Variants in NCOA1 observed in about 807,000 individuals in gnomAD.
NCOA1 encodes the protein nuclear receptor coactivator 1.
A neutral mutation model predicts 150.9 loss-of-function variants in NCOA1; 35 were observed. The observed-to-expected ratio is 0.23, with a 90% CI of 0.18 to 0.31. NCOA1 has a LOEUF of 0.31. Among genes scored for constraint, NCOA1 ranks in the 10% least tolerant of loss-of-function variants. The pLI, the probability that NCOA1 is intolerant of heterozygous loss-of-function variation, is 1.00. For missense variants in NCOA1, 1,491 were observed against 1,749.3 expected, an observed-to-expected ratio of 0.85 and a Z score of 2.63; for synonymous variants, 590 against 630.0, an observed-to-expected ratio of 0.94 and a Z score of 0.95.
intron 1 of NCOA1, among the ~76,000 whole-genome samples, chr2:24,529,671 C>T (rs1305362487): frequency 2.0e-5 from 3 of 152,170 alleles, no homozygotes; most frequent in Non-Finnish European, 1.5e-5. Context: ...TTAACCTTCA[C>T]CTGAAAGTAC....
intron 5 of NCOA1, among the ~76,000 whole-genome samples, chr2:24,663,891 A>G (rs962005716): frequency 6.6e-6 from 1 of 152,208 alleles, no homozygotes; most frequent in Middle Eastern, 3.4e-3. Flanking sequence ...ACTGTCTTCA[A>G]GTTCTTTGGT....
intron 3 of NCOA1, among the ~76,000 whole-genome samples, chr2:24,608,308 T>G (rs1668464110): frequency 6.7e-6 from 1 of 148,848 alleles, no homozygotes; most frequent in African/African-American, 2.5e-5. Flanking sequence ...TTTGAGACAG[T>G]CTTGCTCTGT....
chr2:24,582,471 A>G (rs1402321552), intron 2 of NCOA1, among the ~76,000 whole-genome samples: 1 of 152,206 alleles, frequency 6.6e-6, no homozygotes, highest in African/African-American at 2.4e-5. Context: ...AAAAAATGGA[A>G]ACATATTTCA....
chr2:24,639,951 TATATATATATATATATATA>T (rs1271342661), intron 3 of NCOA1, among the ~76,000 whole-genome samples: 1 of 84,294 alleles, frequency 1.2e-5, no homozygotes, highest in African/African-American at 4.7e-5. Context: ...TATATATATA[TATATATATATATATATATA>T]TTCAGAGTAT....
intron 11 of NCOA1, among the ~76,000 whole-genome samples, chr2:24,700,866 T>C (rs542924167): frequency 6.6e-6 from 1 of 152,302 alleles, no homozygotes; most frequent in South Asian, 2.1e-4. Flanking sequence ...TACAGAGAAG[T>C]TTGTAAACTA....
chr2:24,577,153 A>G (rs1291990432), intron 2 of NCOA1, among the ~76,000 whole-genome samples: 1 of 152,106 alleles, frequency 6.6e-6, no homozygotes, highest in Non-Finnish European at 1.5e-5. Flanking sequence ...GGCTCTTCAA[A>G]GTGTTTGACC....
In NCOA1 at chr2:24,553,479, A is replaced by G. The variant is rs1665950100; in HGVS notation, c.-395-10816A>G. On this transcript the variant is annotated intron_variant, in intron 1 of 22. Transcript: ENST00000348332. ...AGTGATCTGCCCACTCGGCCTCCCA[A>G]AGTGCAGGGATTACAGGCGTGAGCC... Among the ~76,000 whole-genome samples the G allele has an allele frequency of 2.0e-5, 3 of 152,300 alleles. No homozygotes were observed. The South Asian group carries it at 6.2e-4, about 32-fold the overall frequency.
chr2:24,628,287 C>T (rs910538892), intron 3 of NCOA1, among the ~76,000 whole-genome samples: 1 of 139,326 alleles, frequency 7.2e-6, no homozygotes, highest in Non-Finnish European at 1.6e-5. Flanking sequence ...GTGACAAAAG[C>T]GAAACTCCAT....
chr2:24,730,853 C>G (rs1186456005), intron 17 of NCOA1, among the ~76,000 whole-genome samples: 1 of 142,700 alleles, frequency 7.0e-6, no homozygotes, highest in Non-Finnish European at 1.5e-5. Context: ...TGATGAAACC[C>G]CATTTCTACT....
At chr2:24,736,781 G>A (rs969700308) in intron 17 of NCOA1, among the ~76,000 whole-genome samples, 12 of 152,136 alleles carry the variant, frequency 7.9e-5, no homozygotes, top group African/African-American at 2.7e-4. Context: ...CTCTGCCCAC[G>A]AGACGTCAGC....
chr2:24,685,247 T>C (rs1448039813), intron 8 of NCOA1, among the ~76,000 whole-genome samples: 1 of 152,156 alleles, frequency 6.6e-6, no homozygotes, highest in Non-Finnish European at 1.5e-5. Flanking sequence ...TTTACAGATT[T>C]AGAAGATTTC....
chr2:24,591,016 T>C (rs1482238327), intron 3 of NCOA1, among the ~76,000 whole-genome samples: 1 of 152,222 alleles, frequency 6.6e-6, no homozygotes, highest in African/African-American at 2.4e-5. Context: ...GACCAGTATT[T>C]GTTGAATGAT....
At chr2:24,710,780 A>G (rs1450151583) in intron 13 of NCOA1, 151 bp from the exon 14 acceptor site, 26 of 730,928 alleles carry the variant, frequency 3.6e-5, no homozygotes, top group East Asian at 5.5e-5. Context: ...GTAATTTCCA[A>G]GTAGCCCCAA....
intron 17 of NCOA1, among the ~76,000 whole-genome samples, chr2:24,737,778 C>T (rs771853820): frequency 6.6e-6 from 1 of 152,154 alleles, no homozygotes. Flanking sequence ...TACTGTTGTG[C>T]GTTGGCTTCT....
At chr2:24,566,798 C>T (rs1174220924) in intron 2 of NCOA1, among the ~76,000 whole-genome samples, 1 of 152,262 alleles carries the variant, frequency 6.6e-6, no homozygotes, top group Non-Finnish European at 1.5e-5. Flanking sequence ...TGGGTTGCAA[C>T]AGTGCCCGGC....
rs1572586457 is a variant in NCOA1 at position 24,682,987 on chromosome 2, G to A, written c.391G>A (p.Gly131Arg). 6.2e-7 allele frequency: 1 copy of A among 1,605,218 alleles called. No individual in the cohort carries two copies. The highest frequency in any genetic ancestry group is 8.5e-7 in the Non-Finnish European group (1 of 1,176,882). Reference sequence around the variant, plus strand: ...ATTTTTCTTTGTTGTGAACTGTGAAGGGAGAATTGTATTTGTGTCAGAGAA... The same window carrying A: ...ATTTTTCTTTGTTGTGAACTGTGAAAGGAGAATTGTATTTGTGTCAGAGAA... Reference protein sequence around the residue: ...DGFFFVVNCEGRIVFVSENVT... With the variant: ...DGFFFVVNCERRIVFVSENVT... Residue 131 changes from glycine to arginine, a missense_variant, in exon 8 of 23, where the codon GGG becomes AGG. Around this residue, in one of 8 missense-constraint regions of NCOA1, gnomAD observed 80 missense variants for 163.0 expected, o/e 0.49. Transcript: ENST00000348332.
At chr2:24,680,230 A>G (rs1330603827) in intron 7 of NCOA1, among the ~76,000 whole-genome samples, 2 of 152,188 alleles carry the variant, frequency 1.3e-5, no homozygotes, top group African/African-American at 4.8e-5. Flanking sequence ...GAACCTCCCT[A>G]CTACTTCCCA....
At chr2:24,759,569 T>C (rs1278663349) in intron 21 of NCOA1, among the ~76,000 whole-genome samples, 2 of 152,236 alleles carry the variant, frequency 1.3e-5, no homozygotes, top group Non-Finnish European at 2.9e-5. Context: ...GCAATAACTC[T>C]CTATAGTTGC....
intron 1 of NCOA1, among the ~76,000 whole-genome samples, chr2:24,528,461 C>T (rs930127539): frequency 6.6e-6 from 1 of 151,668 alleles, no homozygotes; most frequent in Admixed American, 6.6e-5. Context: ...ATCCTCTCAC[C>T]ATAGCCTCCC....
Sources: gnomAD v4.1 joint callset for allele counts (sites outside exome capture counted in the v4.1 genomes callset) on GRCh38, gnomAD v4.1.1 for gene constraint, gnomAD v4.1.1 regional missense constraint, MANE v1.5 for transcripts, NCBI Gene and HGNC (gene_info 2026-07-23, HGNC 2026-07-21) for gene names.